The following CNTN5 variants were observed in gnomAD, a reference collection of about 807,000 sequenced individuals.
CNTN5 encodes contactin 5, also known as contactin-5.
Under a neutral mutation model 129.1 loss-of-function variants are expected in CNTN5, and 77 were observed. That is an observed-to-expected ratio of 0.60 (90% CI 0.50 to 0.72). The LOEUF is 0.72. Among genes scored for constraint, CNTN5 ranks in the 30% least tolerant of loss-of-function variants. The probability of loss-of-function intolerance (pLI) is 0.00; values close to 1 mark genes in which losing one functional copy is unlikely to be tolerated. For missense variants in CNTN5, 1,478 were observed against 1,328.8 expected, an observed-to-expected ratio of 1.11 and a Z score of -1.75; for synonymous variants, 509 against 465.6, an observed-to-expected ratio of 1.09 and a Z score of -1.20.
chr11:99,625,051 T>C (rs1282580544), intron 3 of CNTN5, among the ~76,000 whole-genome samples: 2 of 152,172 alleles, frequency 1.3e-5, no homozygotes, highest in Non-Finnish European at 2.9e-5. Flanking sequence ...TCTAGTCCAG[T>C]GTTGGACACA....
At chr11:99,677,240 T>C (rs601742) in intron 3 of CNTN5, among the ~76,000 whole-genome samples, 77,580 of 151,904 alleles carry the variant, frequency 0.51, 20,696 homozygotes, top group Non-Finnish European at 0.6. Context: ...TAATGTATCT[T>C]GTTTTCTCTA....
chr11:99,114,653 A>C (rs2135390930), intron 1 of CNTN5, among the ~76,000 whole-genome samples: 1 of 152,344 alleles, frequency 6.6e-6, no homozygotes, highest in South Asian at 2.1e-4. Context: ...TTTAAAAAGT[A>C]AAATAGGCTT....
chr11:100,016,106 A>G (rs1180235620), intron 9 of CNTN5, among the ~76,000 whole-genome samples: 1 of 152,094 alleles, frequency 6.6e-6, no homozygotes, highest in East Asian at 1.9e-4. Flanking sequence ...GACCATATAT[A>G]CAATTTATTT....
At chr11:99,794,648 C>G (rs187460887) in intron 3 of CNTN5, among the ~76,000 whole-genome samples, 1 of 152,258 alleles carries the variant, frequency 6.6e-6, no homozygotes, top group East Asian at 1.9e-4. Context: ...ATTTACTTAT[C>G]TGTAAAGAAT....
chr11:99,270,686 A>G (rs1017013343), intron 1 of CNTN5, among the ~76,000 whole-genome samples: 1 of 151,996 alleles, frequency 6.6e-6, no homozygotes, highest in African/African-American at 2.4e-5. Flanking sequence ...ATAGGCATTT[A>G]GAACAGAAAC....
intron 1 of CNTN5, among the ~76,000 whole-genome samples, chr11:99,036,486 T>G (rs1000569388): frequency 3.9e-5 from 6 of 152,206 alleles, no homozygotes; most frequent in Non-Finnish European, 7.3e-5. Context: ...ATGATTTATA[T>G]GAATAGTTCC....
chr11:99,771,161 A>T (rs1204217712), intron 3 of CNTN5, among the ~76,000 whole-genome samples: 1 of 152,052 alleles, frequency 6.6e-6, no homozygotes, highest in Non-Finnish European at 1.5e-5. Flanking sequence ...TTGGGGTCAC[A>T]TCTCAAGTAG....
chr11:99,556,643 G>A (rs1948683337), intron 3 of CNTN5, among the ~76,000 whole-genome samples: 1 of 132,508 alleles, frequency 7.5e-6, no homozygotes, highest in Non-Finnish European at 1.6e-5. Flanking sequence ...TGCATATAAT[G>A]TATATGTATA....
At chr11:99,645,826 T>TAGG (rs1233677692) in intron 3 of CNTN5, among the ~76,000 whole-genome samples, 1 of 152,044 alleles carries the variant, frequency 6.6e-6, no homozygotes, top group Admixed American at 6.6e-5. Context: ...GCGAGAGCAT[T>TAGG]AGGAGAAATA....
intron 3 of CNTN5, among the ~76,000 whole-genome samples, chr11:99,630,653 T>A (rs1430061624): frequency 6.6e-6 from 1 of 152,174 alleles, no homozygotes; most frequent in African/African-American, 2.4e-5. Context: ...CTATTAATTC[T>A]ACGTGCTGGA....
At chr11:100,037,158 A>G (rs1276198731) in intron 9 of CNTN5, among the ~76,000 whole-genome samples, 27 of 132,498 alleles carry the variant, frequency 2.0e-4, no homozygotes, top group African/African-American at 7.3e-4. Flanking sequence ...TACCTAATTT[A>G]TTAAGAGTTT....
intron 3 of CNTN5, among the ~76,000 whole-genome samples, chr11:99,714,489 C>G (rs1955135934): frequency 6.6e-6 from 1 of 151,844 alleles, no homozygotes; most frequent in South Asian, 2.1e-4. Context: ...GATGGTTTAA[C>G]TTATTTTTTG....
intron 2 of CNTN5, among the ~76,000 whole-genome samples, chr11:99,405,224 G>A (rs1010014122): frequency 6.6e-5 from 10 of 152,006 alleles, no homozygotes; most frequent in Middle Eastern, 3.4e-3. Flanking sequence ...AATCTGCTTG[G>A]TGTTTTATAA....
rs116952532 is a variant in CNTN5 at position 99,896,824 on chromosome 11, C to T, written c.578-19230C>T. Among the ~76,000 whole-genome samples, 867 of 152,274 alleles carry T rather than the reference C, an allele frequency of 5.7e-3. 27 individuals carry two copies. The highest frequency in any genetic ancestry group is 0.036 in the Admixed American group (551 of 15,298). On this transcript the variant is annotated intron_variant, in intron 6 of 24. Transcript: ENST00000524871. ...CCACTGTCCCAGCTGAGGGTTCCTG[C>T]TCTTCCAATGAAGGGCCCACGTCAC... is the stretch of plus-strand genomic sequence containing the variant.
chr11:100,204,945 A>G (rs1349307751), intron 15 of CNTN5, among the ~76,000 whole-genome samples: 1 of 151,998 alleles, frequency 6.6e-6, no homozygotes, highest in African/African-American at 2.4e-5. Context: ...TGAATACTGG[A>G]ATTTTTACCT....
intron 2 of CNTN5, among the ~76,000 whole-genome samples, chr11:99,456,229 C>A (rs919185589): frequency 1.1e-4 from 16 of 151,922 alleles, no homozygotes; most frequent in African/African-American, 3.9e-4. Flanking sequence ...GAAAAGTCAA[C>A]TGAGAGTTCA....
intron 1 of CNTN5, among the ~76,000 whole-genome samples, chr11:99,124,244 T>C (rs183022638): frequency 4.1e-4 from 62 of 152,144 alleles, no homozygotes; most frequent in African/African-American, 1.4e-3. Context: ...GAGCTTTCCT[T>C]TTCCTGGTTA....
At chr11:100,158,075 A>G (rs182652164) in intron 13 of CNTN5, among the ~76,000 whole-genome samples, 96 of 151,906 alleles carry the variant, frequency 6.3e-4, no homozygotes, top group African/African-American at 1.6e-3. Flanking sequence ...GAGGAAGACT[A>G]ATTTTTTGAA....
At chr11:99,477,901 A>T (rs1269799211) in intron 2 of CNTN5, among the ~76,000 whole-genome samples, 1 of 152,126 alleles carries the variant, frequency 6.6e-6, no homozygotes, top group African/African-American at 2.4e-5. Context: ...CAATATAATT[A>T]GTAAGTGAAA....
Sources: allele counts gnomAD v4.1 joint callset (sites outside exome capture counted in the v4.1 genomes callset), GRCh38; gene constraint gnomAD v4.1.1; transcripts MANE v1.5; gene names NCBI Gene and HGNC (gene_info 2026-07-23, HGNC 2026-07-21).